TMEM243: variants seen among roughly 807,000 people sequenced by gnomAD.
The protein encoded by TMEM243 is MDR1 and mitochondrial taxol resistance associated.
TMEM243 carries 20 observed loss-of-function variants against 15.0 expected under a neutral mutation model. That is an observed-to-expected ratio of 1.33 (90% CI 0.94 to 1.93). The LOEUF (loss-of-function observed/expected upper bound fraction) is 1.93, where lower values mean the gene tolerates loss of function less well. Ranked by LOEUF, TMEM243 falls within the 30% of genes most tolerant of loss-of-function variation. TMEM243 has a pLI of 0.00. For missense variants in TMEM243, 156 were observed against 142.1 expected (o/e 1.10, Z -0.50); for synonymous variants, 72 against 52.7 (o/e 1.37, Z -1.59).
chr7:87,209,832 G>GAGAGAGCGAGAGAC (rs1491089740), intron 1 of TMEM243, among the ~76,000 whole-genome samples: 3 of 138,898 alleles, frequency 2.2e-5, no homozygotes, highest in African/African-American at 9.2e-5. Context: ...GAGAGACAGT[G>GAGAGAGCGAGAGAC]AGAGAGAGAC....
At chr7:87,209,271 G>T (rs1802436409) in intron 1 of TMEM243, among the ~76,000 whole-genome samples, 1 of 146,244 alleles carries the variant, frequency 6.8e-6, no homozygotes. Flanking sequence ...ATGTGAAGGG[G>T]AAGCAAGCTA....
At chr7:87,210,846 C>T (rs978688812) in intron 1 of TMEM243, among the ~76,000 whole-genome samples, 2 of 152,240 alleles carry the variant, frequency 1.3e-5, no homozygotes, top group Non-Finnish European at 2.9e-5. Flanking sequence ...TTCCATACAT[C>T]CTCTGAAATC....
rs551328754 is a variant in TMEM243 at position 87,210,798 on chromosome 7, G to A, written c.78+8628C>T. Among the ~76,000 whole-genome samples the A allele has an allele frequency of 1.3e-4, 20 of 152,274 alleles. No homozygotes were observed. The South Asian group carries it at 3.1e-3, about 24-fold the overall frequency. Reference sequence around the variant, plus strand: ...CCAGGCATACAATGCAATCCATAACGGCTCCCCCTTGCAGCAGACTTCTGG... The same window carrying A: ...CCAGGCATACAATGCAATCCATAACAGCTCCCCCTTGCAGCAGACTTCTGG... On this transcript the variant is annotated intron_variant, in intron 1 of 3. Transcript: ENST00000257637.
intron 1 of TMEM243, among the ~76,000 whole-genome samples, chr7:87,212,040 G>A (rs1404219568): frequency 6.6e-6 from 1 of 152,126 alleles, no homozygotes; most frequent in Admixed American, 6.5e-5. Context: ...ATGTGGACCT[G>A]TATTTTAAAA....
At chr7:87,216,419 A>G (rs1222825053) in intron 1 of TMEM243, among the ~76,000 whole-genome samples, 3 of 152,184 alleles carry the variant, frequency 2.0e-5, no homozygotes, top group African/African-American at 7.2e-5. Context: ...GCACTCCGAT[A>G]TGAGTTACAA....
chr7:87,199,135 G>C, intron 1 of TMEM243, 78 bp from the exon 2 acceptor site: 1 of 1,209,244 alleles, frequency 8.3e-7, no homozygotes, highest in Non-Finnish European at 1.2e-6. Flanking sequence ...AAGGCATTTG[G>C]ATGGTTTACT....
intron 1 of TMEM243, among the ~76,000 whole-genome samples, chr7:87,219,186 A>C (rs901277306): frequency 6.6e-6 from 1 of 152,116 alleles, no homozygotes; most frequent in Admixed American, 6.5e-5. Flanking sequence ...AAGGGCTTCC[A>C]ACAACCCCGA....
chr7:87,204,570 G>C (rs1430128820), intron 1 of TMEM243, among the ~76,000 whole-genome samples: 1 of 152,140 alleles, frequency 6.6e-6, no homozygotes, highest in African/African-American at 2.4e-5. Context: ...GGGGCTACAG[G>C]CCCCATGCAA....
At chr7:87,205,682 G>GC (rs1307796240) in intron 1 of TMEM243, among the ~76,000 whole-genome samples, 1 of 152,096 alleles carries the variant, frequency 6.6e-6, no homozygotes, top group Non-Finnish European at 1.5e-5. Context: ...CCACCTCAGC[G>GC]TGAACCTTAT....
rs112746828 is a variant in TMEM243, at chr7:87,216,640, A to G, written c.78+2786T>C. The G allele has an allele frequency of 2.0e-4, 30 of 152,350 alleles. 1 individual carries two copies. The highest frequency in any genetic ancestry group is 6.7e-4 in the African/African-American group (28 of 41,572). 9.4% of individuals were successfully genotyped at this position (152,350 alleles called of 1,614,324 possible). ...ACTCAGCACCCATAAAGGCAAAAAA[A>G]GTTCCTTCAGGGATTCCCCAAGAGG... is the stretch of plus-strand genomic sequence containing the variant. On this transcript the variant is annotated intron_variant, in intron 1 of 3. Transcript: ENST00000257637.
At chr7:87,219,936 C>G (rs758764277), upstream of TMEM243, among the ~76,000 whole-genome samples, 2 of 152,240 alleles carry the variant, frequency 1.3e-5, no homozygotes, top group African/African-American at 4.8e-5. Context: ...ACGTCGCCCC[C>G]CATTTTTACA....
rs1193329073 is a variant in TMEM243 at position 87,219,625 on chromosome 7, C to A, written c.-122G>T. The stretch of plus-strand genomic sequence containing the variant: ...TCCCGCATAGCCGAACCCGAGTGGT[C>A]GGGGAAGCGCTGGCGCCAGGGATGG... On this transcript the variant is annotated 5_prime_UTR_variant, in exon 1 of 4. Transcript: ENST00000257637. 2 of 859,380 alleles carry A rather than the reference C, an allele frequency of 2.3e-6. No individual in the cohort carries two copies. The highest frequency in any genetic ancestry group is 3.7e-6 in the Non-Finnish European group (2 of 540,524). The allele number at this position is 859,380 out of a possible 1,614,324, so 53.2% of individuals were successfully genotyped here. A position where few individuals can be genotyped will look rare whatever the true frequency, so the allele number is the denominator to read the frequency against.
chr7:87,209,687 CGAGAGAGCGA>C (rs1802534223), intron 1 of TMEM243, among the ~76,000 whole-genome samples: 5 of 80,694 alleles, frequency 6.2e-5, no homozygotes, highest in African/African-American at 2.5e-4. Context: ...CGAGACACAG[CGAGAGAGCGA>C]GACACAGTGA....
intron 1 of TMEM243, among the ~76,000 whole-genome samples, chr7:87,215,088 G>A (rs559462126): frequency 3.9e-5 from 6 of 152,296 alleles, no homozygotes; most frequent in Non-Finnish European, 7.3e-5. Flanking sequence ...CATGGCTAGC[G>A]TGAATTCAGA....
At chr7:87,197,846 T>G in intron 3 of TMEM243, 95 bp downstream of exon 3, 23 of 1,588,548 alleles carry the variant, frequency 1.4e-5, no homozygotes, top group Non-Finnish European at 1.9e-5. Context: ...AATTAAGAGA[T>G]ACCCTTTTGT....
chr7:87,210,917 GCCA>G (rs1441235250), intron 1 of TMEM243, among the ~76,000 whole-genome samples: 1 of 152,244 alleles, frequency 6.6e-6, no homozygotes, highest in Non-Finnish European at 1.5e-5. Context: ...GCACGTGGAA[GCCA>G]CCAAGGTTTG....
At chr7:87,210,935 T>C (rs537892094) in intron 1 of TMEM243, among the ~76,000 whole-genome samples, 2 of 152,246 alleles carry the variant, frequency 1.3e-5, no homozygotes, top group Admixed American at 1.3e-4. Context: ...GGTTTGGGGC[T>C]TGGACCCTCT....
At chr7:87,205,156 A>G (rs1444047383) in intron 1 of TMEM243, among the ~76,000 whole-genome samples, 2 of 152,188 alleles carry the variant, frequency 1.3e-5, no homozygotes, top group African/African-American at 4.8e-5. Context: ...CATACAGCAG[A>G]GGGGGGCCTG....
rs148402608 is a variant in TMEM243, at chr7:87,207,251, C to A, written c.79-8194G>T. Among the ~76,000 whole-genome samples the A allele has an allele frequency of 2.0e-5, 3 of 152,280 alleles. No homozygotes were observed. In the East Asian group the frequency reaches 5.8e-4, roughly 29 times the overall value. ...ACAAATCAATCCTTCGGCAATGCTC[C>A]CCAACACTCCCAGAGAGGGGCAAGG... On this transcript the variant is annotated intron_variant, in intron 1 of 3. Transcript: ENST00000257637.
Sources: allele counts gnomAD v4.1 joint callset (sites outside exome capture counted in the v4.1 genomes callset), GRCh38; gene constraint gnomAD v4.1.1; transcripts MANE v1.5; gene names NCBI Gene and HGNC (gene_info 2026-07-23, HGNC 2026-07-21).